The following MAPDA variants were observed in gnomAD, a reference collection of about 807,000 sequenced individuals.
MAPDA encodes the protein N6,N6-dimethyl-AMP deaminase.
At chr15:43,330,604 C>T in the MAPDA span, 1 of 1,231,930 alleles carries the variant, frequency 8.1e-7, no homozygotes. Flanking sequence ...CCTGGACTTC[C>T]CCTTCCGCCG....
chr15:43,351,766 G>A, the MAPDA span: 3 of 1,548,312 alleles, frequency 1.9e-6, no homozygotes, highest in Non-Finnish European at 2.6e-6. Flanking sequence ...TGATAAGGGT[G>A]TTTTTGCAAC....
chr15:43,350,868 G>C, the MAPDA span: 2 of 1,258,356 alleles, frequency 1.6e-6, no homozygotes, highest in Admixed American at 2.2e-5. Flanking sequence ...TATTTCTCGT[G>C]TCTACTTGGT....
chr15:43,337,442 G>A, the MAPDA span, among the ~76,000 whole-genome samples: 3 of 152,288 alleles, frequency 2.0e-5, no homozygotes, highest in Non-Finnish European at 4.4e-5. Flanking sequence ...TAGGGAAATT[G>A]TGCTTTCCCT....
the MAPDA span, chr15:43,336,671 T>A: frequency 7.1e-6 from 11 of 1,556,376 alleles, no homozygotes; most frequent in Non-Finnish European, 8.6e-6. Flanking sequence ...CTAGTAGCCC[T>A]GAAGATATTC....
chr15:43,330,552 C>A, the MAPDA span: 2 of 1,491,416 alleles, frequency 1.3e-6, no homozygotes, highest in Non-Finnish European at 1.8e-6. Context: ...GGTTAGCACA[C>A]ACCTCACGGA....
the MAPDA span, chr15:43,335,015 G>A: frequency 7.8e-7 from 1 of 1,287,284 alleles, no homozygotes; most frequent in Non-Finnish European, 1.1e-6. Context: ...CAATCTGAAG[G>A]AAATTCAGTA....
chr15:43,348,973 A>C, the MAPDA span: 7 of 1,614,194 alleles, frequency 4.3e-6, no homozygotes, highest in Non-Finnish European at 5.9e-6. Context: ...CGGGCATGGA[A>C]CATTTCTCAA....
At chr15:43,340,366 TTCTC>T in the MAPDA span, 1 of 1,604,988 alleles carries the variant, frequency 6.2e-7, no homozygotes, top group Non-Finnish European at 8.5e-7. Context: ...GAATTTATAC[TTCTC>T]AGCAAATGTA....
the MAPDA span, chr15:43,335,308 G>T: frequency 1.2e-6 from 1 of 816,302 alleles, no homozygotes; most frequent in African/African-American, 1.7e-5. Context: ...GCCAAGGCGG[G>T]TGGATTCACC....
At chr15:43,338,508 C>G in the MAPDA span, among the ~76,000 whole-genome samples, 1 of 152,204 alleles carries the variant, frequency 6.6e-6, no homozygotes, top group Non-Finnish European at 1.5e-5. Context: ...TGCTTAAGAT[C>G]ACACACACAG....
chr15:43,346,563 T>G, the MAPDA span, among the ~76,000 whole-genome samples: 1 of 152,360 alleles, frequency 6.6e-6, no homozygotes, highest in African/African-American at 2.4e-5. Flanking sequence ...TGCTCCTGGT[T>G]GAAAACAGCT....
chr15:43,350,807 A>G, the MAPDA span: 2 of 711,454 alleles, frequency 2.8e-6, no homozygotes, highest in Non-Finnish European at 4.7e-6. Context: ...ACGTAAGGAA[A>G]GGTCGACTTT....
At chr15:43,348,647 G>T in the MAPDA span, among the ~76,000 whole-genome samples, 1 of 152,040 alleles carries the variant, frequency 6.6e-6, no homozygotes, top group East Asian at 1.9e-4. Flanking sequence ...TTCTTGTGAG[G>T]CCTTAAATCA....
At chr15:43,334,879 G>T in the MAPDA span, 1 of 426,860 alleles carries the variant, frequency 2.3e-6, no homozygotes, top group African/African-American at 2.1e-5. Flanking sequence ...GCCTTTTAAA[G>T]AAAAAATTAA....
At chr15:43,337,823 A>C in the MAPDA span, among the ~76,000 whole-genome samples, 13 of 152,350 alleles carry the variant, frequency 8.5e-5, no homozygotes, top group East Asian at 2.5e-3. Flanking sequence ...ACTGTGCTAA[A>C]GTCTGAGAGA....
the MAPDA span, among the ~76,000 whole-genome samples, chr15:43,340,567 C>G: frequency 6.6e-6 from 1 of 151,980 alleles, no homozygotes; most frequent in East Asian, 1.9e-4. Flanking sequence ...GCTGTCTTGC[C>G]CAGGCTGGAG....
chr15:43,345,761 C>A, the MAPDA span: 4 of 1,472,048 alleles, frequency 2.7e-6, no homozygotes, highest in Non-Finnish European at 3.8e-6. Flanking sequence ...AGATGTATTA[C>A]ACGTAGTCTG....
chr15:43,336,269 T>C, the MAPDA span, among the ~76,000 whole-genome samples: 3 of 152,114 alleles, frequency 2.0e-5, no homozygotes, highest in Non-Finnish European at 4.4e-5. Context: ...GGTCTCAAAC[T>C]CCTGGCCTCA....
the MAPDA span, among the ~76,000 whole-genome samples, chr15:43,338,241 C>T: frequency 1.3e-5 from 2 of 152,104 alleles, no homozygotes; most frequent in African/African-American, 4.8e-5. Flanking sequence ...TGGGGTGCCC[C>T]ATATGATAAA....
Sources: allele counts gnomAD v4.1 joint callset (sites outside exome capture counted in the v4.1 genomes callset), GRCh38; gene constraint gnomAD v4.1.1; transcripts MANE v1.5; gene names NCBI Gene and HGNC (gene_info 2026-07-23, HGNC 2026-07-21).